Variants in EDA observed in about 807,000 individuals in gnomAD.
EDA encodes ectodysplasin-A.
EDA carries 2 observed loss-of-function variants against 23.6 expected under a neutral mutation model. The ratio of observed to expected loss-of-function variants is 0.08; its 90% CI spans 0.03 to 0.27. The LOEUF (loss-of-function observed/expected upper bound fraction) is 0.27. Among genes scored for constraint, EDA ranks in the 10% least tolerant of loss-of-function variants. The pLI, the probability that EDA is intolerant of heterozygous loss-of-function variation, is 1.00. For synonymous variants in EDA, 131 were observed against 132.0 expected (o/e 0.99, Z 0.05); for missense variants, 229 against 324.2 (o/e 0.71, Z 2.26).
chrX:70,022,513 T>C (rs1374519096), intron 2 of EDA, among the ~76,000 whole-genome samples: 1 of 108,647 alleles, frequency 9.2e-6, no homozygotes, highest in Non-Finnish European at 1.9e-5. Context: ...ATTTTTTGTG[T>C]TTTTAGTAGA....
rs185395527 is a variant in EDA, at chrX:69,860,499, G to A, written c.397-96528G>A. On this transcript the variant is annotated intron_variant, in intron 1 of 7. Transcript: ENST00000374552. ...CTTTGCTTATGAAGCTTAGTTTGGC[G>A]GGATATGAAATTATGGGTTGGAATT... is the stretch of plus-strand genomic sequence containing the variant. Among the ~76,000 whole-genome samples the A allele has an allele frequency of 5.4e-5, 6 of 111,226 alleles. No homozygotes were observed. In the East Asian group the frequency reaches 1.4e-3, roughly 26 times the overall value.
intron 1 of EDA, among the ~76,000 whole-genome samples, chrX:69,733,005 TTGTC>T (rs1364327020): frequency 9.1e-6 from 1 of 109,426 alleles, no homozygotes; most frequent in Non-Finnish European, 1.9e-5. Context: ...TATTAGCCCT[TTGTC>T]AGATGGGTAG....
intron 1 of EDA, among the ~76,000 whole-genome samples, chrX:69,951,591 A>G (rs1464337173): frequency 1.8e-5 from 2 of 111,880 alleles, no homozygotes; most frequent in Non-Finnish European, 3.8e-5. Context: ...TGAATTATCT[A>G]GTAAAATCAA....
intron 1 of EDA, among the ~76,000 whole-genome samples, chrX:69,823,548 GT>G (rs1381183309): frequency 1.4e-5 from 1 of 70,680 alleles, no homozygotes; most frequent in Non-Finnish European, 2.5e-5. Flanking sequence ...GGGGTTGTTT[GT>G]TTTTTTCTTG....
At chrX:69,926,406 C>T (rs191590789) in intron 1 of EDA, among the ~76,000 whole-genome samples, 62 of 111,704 alleles carry the variant, frequency 5.6e-4, no homozygotes, top group African/African-American at 2.0e-3. Flanking sequence ...GCTTTAATTT[C>T]ATCATTTACC....
At chrX:69,920,701 T>A (rs188931512) in intron 1 of EDA, among the ~76,000 whole-genome samples, 1,147 of 111,281 alleles carry the variant, frequency 0.01, 12 homozygotes, top group African/African-American at 0.036. Context: ...AAAAAAAAAA[T>A]TTTAAGTACA....
At chrX:70,015,111 T>C (rs753290335) in intron 2 of EDA, among the ~76,000 whole-genome samples, 1 of 111,196 alleles carries the variant, frequency 9.0e-6, no homozygotes, top group Non-Finnish European at 1.9e-5. Context: ...CCAAGACACA[T>C]AGTCATCAGA....
chrX:69,875,680 TCAG>T (rs1037211632), intron 1 of EDA, among the ~76,000 whole-genome samples: 2 of 111,276 alleles, frequency 1.8e-5, no homozygotes, highest in Non-Finnish European at 3.8e-5. Context: ...AAAAGAACAG[TCAG>T]CAGAGTAAAC....
intron 1 of EDA, among the ~76,000 whole-genome samples, chrX:69,753,629 C>T (rs1001999831): frequency 1.8e-5 from 2 of 111,216 alleles, no homozygotes; most frequent in Non-Finnish European, 3.8e-5. Context: ...TCCTGGATAT[C>T]CTTGTTAACT....
intron 1 of EDA, among the ~76,000 whole-genome samples, chrX:69,853,687 A>G (rs930807597): frequency 8.9e-6 from 1 of 112,603 alleles, no homozygotes; most frequent in African/African-American, 3.2e-5. Context: ...CAATAAAATG[A>G]CAGCTAACTG....
At chrX:70,008,904 G>A (rs1344038835) in intron 2 of EDA, among the ~76,000 whole-genome samples, 1 of 111,042 alleles carries the variant, frequency 9.0e-6, no homozygotes, top group Non-Finnish European at 1.9e-5. Flanking sequence ...AACCACTGGG[G>A]CCTGGTGCTT....
At chrX:69,978,502 CAAA>C (rs1223244079) in intron 2 of EDA, among the ~76,000 whole-genome samples, 2 of 46,944 alleles carry the variant, frequency 4.3e-5, no homozygotes, top group African/African-American at 7.7e-5. Context: ...GAATCTGTCT[CAAA>C]AAAAAAAAAA....
chrX:69,965,825 T>C (rs2019164682), intron 2 of EDA, among the ~76,000 whole-genome samples: 1 of 112,301 alleles, frequency 8.9e-6, no homozygotes, highest in Non-Finnish European at 1.9e-5. Flanking sequence ...GGTGAGAAGA[T>C]GGCTTGAGGC....
intron 1 of EDA, among the ~76,000 whole-genome samples, chrX:69,925,222 C>G (rs1037947637): frequency 9.0e-6 from 1 of 111,521 alleles, no homozygotes. Flanking sequence ...CATCCTTGTC[C>G]TGTGCTGGTT....
At chrX:69,685,161 C>A (rs1220617438) in intron 1 of EDA, among the ~76,000 whole-genome samples, 1 of 111,615 alleles carries the variant, frequency 9.0e-6, no homozygotes, top group Non-Finnish European at 1.9e-5. Context: ...AGATCGAGAG[C>A]CAAGAAAATT....
rs1296171713 is a variant in EDA, at chrX:69,697,700, T to C, written c.396+80996T>C. Among the ~76,000 whole-genome samples, 18 of 111,220 alleles carry C rather than the reference T, an allele frequency of 1.6e-4. No homozygotes were observed. The Admixed American group carries it at 1.7e-3, about 11-fold the overall frequency. On this transcript the variant is annotated intron_variant, in intron 1 of 7. Coordinates refer to ENST00000374552, the MANE Select transcript of EDA (RefSeq NM_001399.5). ...AACTGGAGGAACCCGATGATGAAGATTACTGTCCCTACCAGTGTTTTAAAT... is the reference window on the plus strand; with the variant it reads ...AACTGGAGGAACCCGATGATGAAGACTACTGTCCCTACCAGTGTTTTAAAT...
At chrX:69,743,731 G>C (rs754044012) in intron 1 of EDA, among the ~76,000 whole-genome samples, 9 of 111,965 alleles carry the variant, frequency 8.0e-5, no homozygotes, top group Non-Finnish European at 1.3e-4. Context: ...TCTTAGGGTA[G>C]TTCAACCTAG....
At chrX:69,999,942 A>T (rs1002659216) in intron 2 of EDA, among the ~76,000 whole-genome samples, 19 of 111,702 alleles carry the variant, frequency 1.7e-4, no homozygotes, top group African/African-American at 5.8e-4. Context: ...AATAATAGGA[A>T]ATCTCTTAAT....
At chrX:69,766,137 G>A (rs1160309804) in intron 1 of EDA, among the ~76,000 whole-genome samples, 1 of 111,631 alleles carries the variant, frequency 9.0e-6, no homozygotes, top group Non-Finnish European at 1.9e-5. Context: ...CCACTTTATT[G>A]TTCTATTTCC....
Sources: gnomAD v4.1 joint callset for allele counts (sites outside exome capture counted in the v4.1 genomes callset) on GRCh38, gnomAD v4.1.1 for gene constraint, MANE v1.5 for transcripts, NCBI Gene and HGNC (gene_info 2026-07-23, HGNC 2026-07-21) for gene names.